The following DUSP16 variants were observed in gnomAD, a reference collection of about 807,000 sequenced individuals.
DUSP16 encodes the protein dual specificity protein phosphatase 16.
Under a neutral mutation model 58.3 loss-of-function variants are expected in DUSP16, and 21 were observed. The ratio of observed to expected loss-of-function variants is 0.36; its 90% confidence interval spans 0.26 to 0.52. DUSP16 has a LOEUF of 0.52. Ranked by LOEUF, DUSP16 falls within the 20% of genes least tolerant of loss-of-function variation. DUSP16 has a pLI of 0.94. For synonymous variants in DUSP16, 320 were observed against 323.8 expected (o/e 0.99, Z 0.12); for missense variants, 726 against 819.0 (o/e 0.89, Z 1.39).
At chr12:12,515,047 T>A (rs1455170232) in intron 3 of DUSP16, among the ~76,000 whole-genome samples, 3 of 152,232 alleles carry the variant, frequency 2.0e-5, no homozygotes, top group Admixed American at 2.0e-4. Flanking sequence ...AAGTTCAAAA[T>A]ATAGTTTATC....
At chr12:12,511,365 T>C (rs1944077230) in intron 3 of DUSP16, among the ~76,000 whole-genome samples, 1 of 152,124 alleles carries the variant, frequency 6.6e-6, no homozygotes, top group African/African-American at 2.4e-5. Flanking sequence ...AAGTACAAAT[T>C]CTTCCTTCTG....
In DUSP16 at chr12:12,545,442, CTTTT is replaced by C. The variant is rs71436720; in HGVS notation, c.-366+16671_-366+16674del. On this transcript the variant is annotated intron_variant, in intron 1 of 6. Transcript: ENST00000298573. ...CCACCAAGCCCAGCTAATTTGTGTA[CTTTT>C]TTTTTTTTTTTTTTCCGTAAAGACA... Among the ~76,000 whole-genome samples the C allele has an allele frequency of 9.8e-5, 13 of 132,000 alleles. No homozygotes were observed. The East Asian group carries it at 2.2e-3, about 22-fold the overall frequency. The allele number at this position is 132,000 out of a possible 152,430, so 86.6% of individuals were successfully genotyped here.
chr12:12,540,491 A>C (rs543958090), intron 1 of DUSP16, among the ~76,000 whole-genome samples: 55 of 152,304 alleles, frequency 3.6e-4, no homozygotes, highest in Non-Finnish European at 6.0e-4. Context: ...TGCTTCCTTC[A>C]CTTACACAAC....
rs1201439828 is a variant in DUSP16, at chr12:12,521,469, C to T, written c.-365-6G>A. 3 of 1,052,954 alleles carry T rather than the reference C, an allele frequency of 2.8e-6. No homozygotes were observed. The highest frequency in any genetic ancestry group is 3.5e-5 in the South Asian group (1 of 28,354). The allele number at this position is 1,052,954 out of a possible 1,614,324, so 65.2% of individuals were successfully genotyped here. ...CTTTACACTGGACTGAAAGCCTACG[C>T]GGAGAGAGAAAGACAGAAAACAAAA... is the stretch of plus-strand genomic sequence containing the variant. On this transcript the variant is annotated splice_region_variant and splice_polypyrimidine_tract_variant and intron_variant, in intron 1 of 6. Transcript: ENST00000298573.
intron 1 of DUSP16, among the ~76,000 whole-genome samples, chr12:12,540,651 A>G (rs1344715708): frequency 6.6e-6 from 1 of 152,198 alleles, no homozygotes; most frequent in Non-Finnish European, 1.5e-5. Context: ...TGACATCTAG[A>G]AGTCAACAGG....
chr12:12,528,882 C>G (rs74825667), intron 1 of DUSP16, among the ~76,000 whole-genome samples: 1 of 151,994 alleles, frequency 6.6e-6, no homozygotes, highest in Non-Finnish European at 1.5e-5. Context: ...AAATTGTAAA[C>G]AGAGTAGTCA....
At chr12:12,512,144 T>C (rs1212743381) in intron 3 of DUSP16, among the ~76,000 whole-genome samples, 1 of 152,180 alleles carries the variant, frequency 6.6e-6, no homozygotes, top group Non-Finnish European at 1.5e-5. Context: ...TCATGCCAAC[T>C]GAGACTCAGA....
intron 1 of DUSP16, chr12:12,560,863 A>C (rs2136278368): frequency 6.6e-6 from 1 of 151,086 alleles, no homozygotes; most frequent in Non-Finnish European, 1.5e-5. Flanking sequence ...CAGCCCCATA[A>C]GGTGAGTGGC....
chr12:12,529,815 T>C (rs938606515), intron 1 of DUSP16, among the ~76,000 whole-genome samples: 1 of 152,224 alleles, frequency 6.6e-6, no homozygotes, highest in African/African-American at 2.4e-5. Context: ...TTTATTTCAC[T>C]TAACACAATG....
At position 12,521,345 on chromosome 12, in the gene DUSP16, C is replaced by T. The variant is rs963766851; in HGVS notation, c.-247G>A. 6 of 1,379,194 alleles carry T rather than the reference C, an allele frequency of 4.4e-6. No individual in the cohort carries two copies. The African/African-American group carries it at 8.7e-5, about 20-fold the overall frequency. The allele number at this position is 1,379,194 out of a possible 1,614,324, so 85.4% of individuals were successfully genotyped here. A position where few individuals can be genotyped will look rare whatever the true frequency, so the allele number is the denominator to read the frequency against. On this transcript the variant is annotated 5_prime_UTR_variant, in exon 2 of 7. The change abolishes an upstream ATG in the 5' untranslated region. Coordinates refer to ENST00000298573, the MANE Select transcript of DUSP16 (RefSeq NM_030640.3). ...ACAAAGCAGCCCCTCACATTTGATT[C>T]ATAAAGAGATGACTGGAATAACCAT...
chr12:12,540,766 CCT>C (rs1404575946), intron 1 of DUSP16, among the ~76,000 whole-genome samples: 1 of 151,924 alleles, frequency 6.6e-6, no homozygotes, highest in Non-Finnish European at 1.5e-5. Context: ...ACAAATAACC[CCT>C]GGTCAAGAGG....
rs762623887 is a variant in DUSP16, at chr12:12,487,019, G to A, written c.691+9C>T. 1 of 1,613,624 alleles carries A rather than the reference G, an allele frequency of 6.2e-7. No individual in the cohort carries two copies. Among genetic ancestry groups the A allele is most frequent in the Non-Finnish European group, 8.5e-7 (1 of 1,179,646 alleles). ...CCACAGGACCTGCAATATTATTTGA[G>A]CTACTTACCAATGAAATCTACTGAT... On this transcript the variant is annotated intron_variant, in intron 5 of 6. Transcript: ENST00000298573.
In DUSP16 at chr12:12,486,481, A is replaced by AGTGTGTGTGT. The variant is rs56941943; in HGVS notation, c.691+537_691+546dup. Reference sequence around the variant, plus strand: ...ATTGCCAGGAAAATAACCAAATGAGAGTGTGTGTGTGTGTGTGTGTGTGTG... The same window carrying AGTGTGTGTGT: ...ATTGCCAGGAAAATAACCAAATGAGAGTGTGTGTGTGTGTGTGTGTGTGTGTGTGTGTGTG... On this transcript the variant is annotated intron_variant, in intron 5 of 6. Coordinates refer to ENST00000298573, the MANE Select transcript of DUSP16 (RefSeq NM_030640.3). Among the ~76,000 whole-genome samples, 592 of 147,366 alleles carry AGTGTGTGTGT rather than the reference A, an allele frequency of 4.0e-3. 2 individuals carry two copies. The highest frequency in any genetic ancestry group is 0.011 in the African/African-American group (432 of 39,736).
At chr12:12,499,005 C>G (rs1263868103) in intron 4 of DUSP16, among the ~76,000 whole-genome samples, 1 of 152,162 alleles carries the variant, frequency 6.6e-6, no homozygotes, top group Non-Finnish European at 1.5e-5. Flanking sequence ...ATCCTCAACT[C>G]CAAATTCTGG....
intron 3 of DUSP16, among the ~76,000 whole-genome samples, chr12:12,517,556 C>A (rs747644935): frequency 3.9e-5 from 6 of 152,198 alleles, no homozygotes; most frequent in African/African-American, 7.2e-5. Context: ...ATACTGTTAT[C>A]CACTTACCCC....
chr12:12,515,876 A>G (rs1445733506), intron 3 of DUSP16, among the ~76,000 whole-genome samples: 2 of 152,022 alleles, frequency 1.3e-5, no homozygotes, highest in Non-Finnish European at 2.9e-5. Context: ...CCCGGGTTCA[A>G]GCAATTCTCC....
At chr12:12,548,232 T>A (rs1247179834) in intron 1 of DUSP16, among the ~76,000 whole-genome samples, 1 of 152,204 alleles carries the variant, frequency 6.6e-6, no homozygotes, top group Non-Finnish European at 1.5e-5. Context: ...CCCAAGATGA[T>A]ATATAAATGG....
intron 5 of DUSP16, among the ~76,000 whole-genome samples, chr12:12,483,957 TTAAAGTA>T (rs1244095321): frequency 1.2e-5 from 1 of 81,428 alleles, no homozygotes; most frequent in Non-Finnish European, 3.2e-5. Flanking sequence ...TCCCTAAAAC[TTAAAGTA>T]TAATAATAAA....
At chr12:12,480,420 T>TA in intron 5 of DUSP16, 74 bp from the exon 6 acceptor site, 1 of 1,551,960 alleles carries the variant, frequency 6.4e-7, no homozygotes. Context: ...TCCATTTACT[T>TA]ACTCAGTGTC....
Sources: allele counts gnomAD v4.1 joint callset (sites outside exome capture counted in the v4.1 genomes callset), GRCh38; gene constraint gnomAD v4.1.1; transcripts MANE v1.5; gene names NCBI Gene and HGNC (gene_info 2026-07-23, HGNC 2026-07-21).